Variants in DYRK1A observed in about 807,000 individuals in gnomAD.
The protein encoded by DYRK1A is dual specificity tyrosine-phosphorylation-regulated kinase 1A.
In DYRK1A, 9 loss-of-function variants were observed where a neutral mutation model predicts 79.7. That is an observed-to-expected ratio of 0.11 (90% CI 0.07 to 0.20). DYRK1A has a LOEUF of 0.20. Among genes scored for constraint, DYRK1A ranks in the 10% least tolerant of loss-of-function variants. The probability of loss-of-function intolerance (pLI) is 1.00; values close to 1 mark genes in which losing one functional copy is unlikely to be tolerated. For synonymous variants in DYRK1A, 349 were observed against 329.7 expected, an observed-to-expected ratio of 1.06 and a Z score of -0.63; for missense variants, 622 against 956.0, an observed-to-expected ratio of 0.65 and a Z score of 4.61.
At position 37,524,641 on chromosome 21, in the gene DYRK1A, G is replaced by A. The variant is rs1056616322; in HGVS notation, c.*12110G>A. On this transcript the variant is annotated 3_prime_UTR_variant, in exon 12 of 12. Transcript: ENST00000647188. ...GTCGACTAAAAAGGCAAATGGTTTT[G>A]AGTGGTTTCCCCTGACTCTCATGAC... is the stretch of plus-strand genomic sequence containing the variant. 6.6e-6 allele frequency: 1 copy of A among 152,210 alleles called. No homozygotes were observed. Among genetic ancestry groups the A allele is most frequent in the African/African-American group, 2.4e-5 (1 of 41,460 alleles). The allele number at this position is 152,210 out of a possible 1,614,324, so 9.4% of individuals were successfully genotyped here.
intron 2 of DYRK1A, among the ~76,000 whole-genome samples, chr21:37,457,390 C>G (rs1041781057): frequency 1.3e-5 from 2 of 152,046 alleles, no homozygotes; most frequent in African/African-American, 4.8e-5. Flanking sequence ...CCACCATGAT[C>G]GCCTAATTGT....
intron 1 of DYRK1A, among the ~76,000 whole-genome samples, chr21:37,385,674 G>A (rs992284434): frequency 6.6e-6 from 1 of 152,196 alleles, no homozygotes. Flanking sequence ...CTCCATCAAA[G>A]TTCTCTGAGC....
intron 6 of DYRK1A, 105 bp downstream of exon 6, chr21:37,486,719 A>G (rs2052882672): frequency 8.4e-7 from 1 of 1,197,432 alleles, no homozygotes; most frequent in Admixed American, 3.9e-5. Context: ...AAAGTGGCTG[A>G]TTAAAAATTT....
chr21:37,488,787 C>T, intron 6 of DYRK1A: 1 of 985,308 alleles, frequency 1.0e-6, no homozygotes, highest in Non-Finnish European at 1.2e-6. Context: ...ATTCTGACAG[C>T]AGTTACTTTT....
intron 2 of DYRK1A, among the ~76,000 whole-genome samples, chr21:37,467,976 C>T (rs2052088527): frequency 6.6e-6 from 1 of 152,144 alleles, no homozygotes; most frequent in East Asian, 1.9e-4. Flanking sequence ...GTAAATCCAT[C>T]ATTGCGGAAA....
intron 2 of DYRK1A, among the ~76,000 whole-genome samples, chr21:37,467,567 G>A (rs918911210): frequency 3.4e-4 from 52 of 152,108 alleles, no homozygotes; most frequent in Non-Finnish European, 7.4e-5. Context: ...ATCAATCAGC[G>A]TCATTCACCA....
intron 9 of DYRK1A, among the ~76,000 whole-genome samples, chr21:37,500,252 A>AT (rs1434273840): frequency 1.3e-5 from 2 of 151,906 alleles, no homozygotes; most frequent in Non-Finnish European, 2.9e-5. Flanking sequence ...TCATCATATG[A>AT]TTTTTCTCCT....
chr21:37,495,510 T>C (rs543675381), intron 8 of DYRK1A, among the ~76,000 whole-genome samples: 1 of 152,290 alleles, frequency 6.6e-6, no homozygotes, highest in South Asian at 2.1e-4. Flanking sequence ...AATATGCCTG[T>C]AGTCCCAGTT....
At chr21:37,485,277 A>G (rs2835765) in intron 5 of DYRK1A, among the ~76,000 whole-genome samples, 68,144 of 151,978 alleles carry the variant, frequency 0.45, 16,054 homozygotes, top group East Asian at 0.57. Context: ...CTGAACTGCA[A>G]CTCTTAGTGC....
chr21:37,426,012 A>G (rs1275472638), intron 2 of DYRK1A, among the ~76,000 whole-genome samples: 2 of 152,232 alleles, frequency 1.3e-5, no homozygotes, highest in East Asian at 3.8e-4. Context: ...AAGGGGGGTT[A>G]GAGTCATGTG....
At position 37,473,858 on chromosome 21, in the gene DYRK1A, A is replaced by G. The variant is rs192285868; in HGVS notation, c.207+978A>G. On this transcript the variant is annotated intron_variant, in intron 3 of 11. Transcript: ENST00000647188. Reference sequence around the variant, plus strand: ...AGATTTTATGTAGTGAATTGATTTCAGTTTAGTTGCGTGTTTGAGAATTGG... The same window carrying G: ...AGATTTTATGTAGTGAATTGATTTCGGTTTAGTTGCGTGTTTGAGAATTGG... Among the ~76,000 whole-genome samples the G allele has an allele frequency of 7.9e-5, 12 of 152,328 alleles. No homozygotes were observed. The East Asian group carries it at 2.1e-3, about 27-fold the overall frequency.
rs184530160 is a variant in DYRK1A, at chr21:37,481,005, A to G, written c.489+179A>G. ...AAGGTAGTGATACTGCATCAGTAAT[A>G]TAAACTCCTTAGACTTCTAAAAACT... On this transcript the variant is annotated intron_variant, in intron 5 of 11. Coordinates refer to ENST00000647188, the MANE Select transcript of DYRK1A (RefSeq NM_001347721.2). 9 of 533,888 alleles carry G rather than the reference A, an allele frequency of 1.7e-5. No homozygotes were observed. The East Asian group carries it at 2.9e-4, about 17-fold the overall frequency. The allele number at this position is 533,888 out of a possible 1,614,324, so 33.1% of individuals were successfully genotyped here.
At chr21:37,427,809 A>G (rs1425470635) in intron 2 of DYRK1A, among the ~76,000 whole-genome samples, 2 of 152,152 alleles carry the variant, frequency 1.3e-5, no homozygotes, top group African/African-American at 4.8e-5. Context: ...AATAGACAAA[A>G]CATAACTCAA....
intron 4 of DYRK1A, among the ~76,000 whole-genome samples, chr21:37,479,398 CT>C (rs1473976349): frequency 2.0e-5 from 3 of 151,136 alleles, no homozygotes; most frequent in Non-Finnish European, 4.4e-5. Flanking sequence ...TACAGTTAAA[CT>C]GTTGTTAACA....
intron 5 of DYRK1A, chr21:37,481,339 C>G (rs2052634106): frequency 6.6e-6 from 1 of 152,206 alleles, no homozygotes; most frequent in South Asian, 2.1e-4. Flanking sequence ...GTCTTAGTCT[C>G]TTGTATCAGT....
At chr21:37,420,844 A>AT (rs1043755487) in intron 2 of DYRK1A, among the ~76,000 whole-genome samples, 2 of 151,720 alleles carry the variant, frequency 1.3e-5, no homozygotes, top group Admixed American at 6.6e-5. Context: ...GATTTTGTTT[A>AT]TTTTTTCCTT....
At chr21:37,456,528 C>T (rs2051642363) in intron 2 of DYRK1A, among the ~76,000 whole-genome samples, 1 of 152,164 alleles carries the variant, frequency 6.6e-6, no homozygotes, top group Non-Finnish European at 1.5e-5. Context: ...GAGCAGGGTG[C>T]TGTTTCCTAA....
chr21:37,501,096 A>G (rs921876042), intron 9 of DYRK1A, among the ~76,000 whole-genome samples: 1 of 149,158 alleles, frequency 6.7e-6, no homozygotes, highest in African/African-American at 2.5e-5. Context: ...ATTTAATGGT[A>G]TAAATTTCCC....
At chr21:37,486,122 GAT>G (rs1377582797) in intron 5 of DYRK1A, 1 of 155,702 alleles carries the variant, frequency 6.4e-6, no homozygotes, top group Middle Eastern at 3.0e-3. Flanking sequence ...TAGTAAGAAA[GAT>G]AAAAAAACCT....
Sources: gnomAD v4.1 joint callset for allele counts (sites outside exome capture counted in the v4.1 genomes callset) on GRCh38, gnomAD v4.1.1 for gene constraint, MANE v1.5 for transcripts, NCBI Gene and HGNC (gene_info 2026-07-23, HGNC 2026-07-21) for gene names.